The following STAT3 variants were observed in gnomAD, a reference collection of about 807,000 sequenced individuals.
The protein encoded by STAT3 is signal transducer and activator of transcription 3, also known as DNA-binding protein APRF.
A neutral mutation model predicts 114.3 loss-of-function variants in STAT3; 7 were observed. The ratio of observed to expected loss-of-function variants is 0.06; its 90% CI spans 0.03 to 0.11. The LOEUF (loss-of-function observed/expected upper bound fraction) is 0.11, where lower values mean the gene tolerates loss of function less well. Among genes scored for constraint, STAT3 ranks in the 10% least tolerant of loss-of-function variants. The pLI, the probability that STAT3 is intolerant of heterozygous loss-of-function variation, is 1.00. For missense variants in STAT3, 364 were observed against 960.9 expected, an observed-to-expected ratio of 0.38 and a Z score of 8.21; for synonymous variants, 331 against 354.5, an observed-to-expected ratio of 0.93 and a Z score of 0.74.
chr17:42,331,387 G>T, intron 11 of STAT3, 85 bp downstream of exon 11: 1 of 1,218,400 alleles, frequency 8.2e-7, no homozygotes, highest in South Asian at 1.3e-5. Flanking sequence ...AATAAAGACA[G>T]AGTCTCTAGT....
chr17:42,330,408 G>A (rs540797060), intron 11 of STAT3, among the ~76,000 whole-genome samples: 72 of 149,286 alleles, frequency 4.8e-4, no homozygotes, highest in African/African-American at 1.5e-3. Context: ...GAGCCACCGC[G>A]CCCAGCCACA....
intron 1 of STAT3, among the ~76,000 whole-genome samples, chr17:42,385,416 C>T (rs886367478): frequency 1.3e-5 from 2 of 149,194 alleles, no homozygotes; most frequent in Non-Finnish European, 3.0e-5. Flanking sequence ...GGCTGAGGTG[C>T]GAGAATCACT....
At chr17:42,336,130 T>C (rs1335429211) in intron 8 of STAT3, among the ~76,000 whole-genome samples, 6 of 152,180 alleles carry the variant, frequency 3.9e-5, no homozygotes, top group South Asian at 2.1e-4. Flanking sequence ...AGGATATGAA[T>C]AGACAGGCAT....
chr17:42,360,182 C>T (rs1322314711), intron 1 of STAT3, among the ~76,000 whole-genome samples: 1 of 151,546 alleles, frequency 6.6e-6, no homozygotes, highest in Admixed American at 6.6e-5. Flanking sequence ...TTCTTCACCA[C>T]TATAGGAGTC....
intron 1 of STAT3, among the ~76,000 whole-genome samples, chr17:42,357,169 C>T (rs187659111): frequency 6.6e-6 from 1 of 152,260 alleles, no homozygotes; most frequent in African/African-American, 2.4e-5. Flanking sequence ...GCTAATCCCA[C>T]TGAGGGCCAC....
At chr17:42,343,425 T>C (rs990846135) in intron 4 of STAT3, among the ~76,000 whole-genome samples, 6 of 151,308 alleles carry the variant, frequency 4.0e-5, no homozygotes, top group Non-Finnish European at 8.8e-5. Context: ...ATTGCATACA[T>C]TTAGTTTTAC....
intron 1 of STAT3, among the ~76,000 whole-genome samples, chr17:42,379,320 G>A (rs2084647308): frequency 1.3e-5 from 2 of 152,162 alleles, no homozygotes; most frequent in South Asian, 2.1e-4. Flanking sequence ...GAGATGGGGT[G>A]AGAGAACCTG....
At chr17:42,326,999 C>G (rs2081757794) in intron 14 of STAT3, among the ~76,000 whole-genome samples, 1 of 152,194 alleles carries the variant, frequency 6.6e-6, no homozygotes, top group African/African-American at 2.4e-5. Context: ...CACTTACTCT[C>G]TTCAACACCA....
chr17:42,347,492 C>T (rs2082751538), intron 2 of STAT3, among the ~76,000 whole-genome samples: 2 of 152,140 alleles, frequency 1.3e-5, no homozygotes, highest in Admixed American at 1.3e-4. Context: ...TGAGCCTGAG[C>T]ATATTAAAGT....
intron 1 of STAT3, among the ~76,000 whole-genome samples, chr17:42,355,292 T>C (rs1005859856): frequency 7.9e-5 from 12 of 152,188 alleles, no homozygotes; most frequent in Non-Finnish European, 1.5e-4. Flanking sequence ...CTTCATTCAA[T>C]GCCATAGGAT....
chr17:42,376,862 C>T (rs1016067911), intron 1 of STAT3, among the ~76,000 whole-genome samples: 4 of 151,458 alleles, frequency 2.6e-5, no homozygotes, highest in African/African-American at 9.7e-5. Context: ...AAAAAATTGG[C>T]GGTTTATGGG....
At chr17:42,363,056 A>G (rs985086773) in intron 1 of STAT3, among the ~76,000 whole-genome samples, 1 of 152,176 alleles carries the variant, frequency 6.6e-6, no homozygotes, top group African/African-American at 2.4e-5. Context: ...AGCGTGTCCT[A>G]CCCTGAACCC....
intron 1 of STAT3, chr17:42,388,070 C>T (rs746381011): frequency 3.0e-5 from 17 of 568,246 alleles, no homozygotes; most frequent in Non-Finnish European, 4.2e-5. Flanking sequence ...AAGAACGAAA[C>T]TTCCCTCCAG....
At chr17:42,384,520 C>A (rs1235191710) in intron 1 of STAT3, among the ~76,000 whole-genome samples, 35 of 151,674 alleles carry the variant, frequency 2.3e-4, no homozygotes, top group Admixed American at 2.3e-3. Flanking sequence ...AATCACTTCT[C>A]CCCTACTTAC....
chr17:42,384,187 G>A (rs2084964358), intron 1 of STAT3, among the ~76,000 whole-genome samples: 1 of 148,944 alleles, frequency 6.7e-6, no homozygotes, highest in South Asian at 2.1e-4. Context: ...GGAGTGCAGT[G>A]GTGCGATATC....
chr17:42,366,967 C>A (rs981953499), intron 1 of STAT3, among the ~76,000 whole-genome samples: 7 of 151,998 alleles, frequency 4.6e-5, no homozygotes, highest in African/African-American at 1.7e-4. Flanking sequence ...AAGGTGAAAT[C>A]CCGTTTCTAC....
At chr17:42,327,251 C>A (rs1273690754) in intron 14 of STAT3, among the ~76,000 whole-genome samples, 2 of 151,900 alleles carry the variant, frequency 1.3e-5, no homozygotes, top group African/African-American at 4.8e-5. Context: ...TTGGGTTTAT[C>A]ATTTCCTAGC....
rs1424655033 is a variant in STAT3 at position 42,338,649 on chromosome 17, CAG to C, written c.550+80_550+81del. 4.3e-6 allele frequency: 6 copies of C among 1,387,876 alleles called. No individual in the cohort carries two copies. The Admixed American group carries it at 8.4e-5, about 19-fold the overall frequency. The allele number at this position is 1,387,876 out of a possible 1,614,324, so 86.0% of individuals were successfully genotyped here. On this transcript the variant is annotated intron_variant, in intron 6 of 23. Coordinates refer to ENST00000264657, the MANE Select transcript of STAT3 (RefSeq NM_139276.3). ...CGCCCCGCCCGCCTTAAGATCTAAA[CAG>C]AGTTAAGACAAATGAGTCTTTCAAC...
In STAT3 at chr17:42,329,817, G is replaced by A. The variant is rs373659638; in HGVS notation, c.1110-41C>T. Reference sequence around the variant, plus strand: ...CTGTTGTTAATAAAATAGGCTCTGTGTTTCTTCAAAAAGCCTACTTTGACC... The same window carrying A: ...CTGTTGTTAATAAAATAGGCTCTGTATTTCTTCAAAAAGCCTACTTTGACC... On this transcript the variant is annotated intron_variant, in intron 11 of 23. Coordinates refer to ENST00000264657, the MANE Select transcript of STAT3 (RefSeq NM_139276.3). 1.5e-5 allele frequency: 24 copies of A among 1,611,864 alleles called. No homozygotes were observed. The African/African-American group carries it at 2.9e-4, about 20-fold the overall frequency.
Sources: gnomAD v4.1 joint callset for allele counts (sites outside exome capture counted in the v4.1 genomes callset) on GRCh38, gnomAD v4.1.1 for gene constraint, MANE v1.5 for transcripts, NCBI Gene and HGNC (gene_info 2026-07-23, HGNC 2026-07-21) for gene names.